Variants in ZDHHC20 observed in about 807,000 individuals in gnomAD.
ZDHHC20 encodes the protein palmitoyltransferase ZDHHC20.
Under a neutral mutation model 57.8 loss-of-function variants are expected in ZDHHC20, and 43 were observed. The ratio of observed to expected loss-of-function variants is 0.74; its 90% CI spans 0.58 to 0.96. The LOEUF is 0.96. ZDHHC20 is among the 40% of genes least tolerant of loss of function. The pLI is 0.00. For synonymous variants in ZDHHC20, 157 were observed against 153.0 expected (o/e 1.03, Z -0.19); for missense variants, 391 against 441.1 (o/e 0.89, Z 1.02).
Position 21,416,928 on chromosome 13 carries a change from A to C in ZDHHC20, c.250-3156T>G, listed in dbSNP as rs535829067. Among the ~76,000 whole-genome samples, 4 of 152,336 alleles carry C rather than the reference A, an allele frequency of 2.6e-5. No individual in the cohort carries two copies. The East Asian group carries it at 7.7e-4, about 29-fold the overall frequency. Reference sequence around the variant, plus strand: ...CGAACATGACCTTTATCTTACAGCTAACTGGCAAACTCTGTAGGATTATAG... The same window carrying C: ...CGAACATGACCTTTATCTTACAGCTCACTGGCAAACTCTGTAGGATTATAG... On this transcript the variant is annotated intron_variant, in intron 3 of 12. Coordinates refer to ENST00000400590, the MANE Select transcript of ZDHHC20 (RefSeq NM_001330059.2).
intron 2 of ZDHHC20, among the ~76,000 whole-genome samples, chr13:21,422,544 GAA>G (rs1880761801): frequency 6.6e-6 from 1 of 152,120 alleles, no homozygotes. Context: ...ATCCAGGCCT[GAA>G]ATGACTCCTT....
rs747307477 is a variant in ZDHHC20, at chr13:21,414,527, A to ATTTTTTTTTTTTTTTT, written c.250-771_250-756dup. 6.3e-3 allele frequency among the ~76,000 whole-genome samples: 674 copies of ATTTTTTTTTTTTTTTT among 107,338 alleles called. 49 individuals carry two copies. Among genetic ancestry groups the ATTTTTTTTTTTTTTTT allele is most frequent in the Non-Finnish European group, 0.011 (524 of 49,140 alleles). 70.4% of individuals were successfully genotyped at this position (107,338 alleles called of 152,430 possible). On this transcript the variant is annotated intron_variant, in intron 3 of 12. Transcript: ENST00000400590. ...AGGCGCACGCCACTATGCCCGGATA[A>ATTTTTTTTTTTTTTTT]TTTTTTTTTTTTTTTTTGTATTTTT... is the stretch of plus-strand genomic sequence containing the variant.
intron 3 of ZDHHC20, among the ~76,000 whole-genome samples, chr13:21,417,053 C>G (rs569334240): frequency 6.6e-6 from 1 of 152,130 alleles, no homozygotes; most frequent in African/African-American, 2.4e-5. Flanking sequence ...CTGTTATATA[C>G]GAGGTCTGAT....
chr13:21,400,598 G>T, intron 6 of ZDHHC20, 105 bp from the exon 7 acceptor site: 1 of 1,188,362 alleles, frequency 8.4e-7, no homozygotes, highest in Non-Finnish European at 1.2e-6. Context: ...GTGTGGGGAA[G>T]GGGAGCTTTT....
intron 1 of ZDHHC20, 95 bp from the exon 2 acceptor site, chr13:21,425,773 A>C (rs576368787): frequency 4.9e-6 from 4 of 809,286 alleles, no homozygotes; most frequent in South Asian, 6.0e-5. Flanking sequence ...TATCATTTTC[A>C]AAAAAATAAA....
chr13:21,396,162 G>A (rs753425343), intron 7 of ZDHHC20, among the ~76,000 whole-genome samples: 4 of 152,112 alleles, frequency 2.6e-5, no homozygotes, highest in Admixed American at 6.6e-5. Context: ...TTCCCACGTG[G>A]TGCTTCCTAT....
At chr13:21,425,195 A>G (rs971424741) in intron 2 of ZDHHC20, among the ~76,000 whole-genome samples, 2 of 152,194 alleles carry the variant, frequency 1.3e-5, no homozygotes, top group African/African-American at 4.8e-5. Context: ...GCAATTTACA[A>G]ATTTACAGTC....
chr13:21,436,994 T>A (rs536090138), intron 1 of ZDHHC20, among the ~76,000 whole-genome samples: 114 of 152,068 alleles, frequency 7.5e-4, no homozygotes, highest in African/African-American at 2.5e-3. Flanking sequence ...AAATTAATTT[T>A]AAAAAAAGTA....
intron 9 of ZDHHC20, 91 bp downstream of exon 9, chr13:21,387,417 A>G (rs1566066646): frequency 1.1e-6 from 1 of 947,808 alleles, no homozygotes. Context: ...ATATCATTAT[A>G]TATTATATTC....
chr13:21,399,555 A>C (rs1877314703), intron 7 of ZDHHC20, among the ~76,000 whole-genome samples: 1 of 152,052 alleles, frequency 6.6e-6, no homozygotes, highest in African/African-American at 2.4e-5. Context: ...TACTAAAAAA[A>C]ATTTTAAAGC....
chr13:21,447,551 C>T (rs910122678), intron 1 of ZDHHC20, among the ~76,000 whole-genome samples: 5 of 147,104 alleles, frequency 3.4e-5, no homozygotes, highest in South Asian at 4.5e-4. Context: ...CCCGAGGTGC[C>T]GGGATTGCAG....
At position 21,459,297 on chromosome 13, in the gene ZDHHC20, T is replaced by C. The variant is rs1179478203; in HGVS notation, c.-126A>G. On this transcript the variant is annotated 5_prime_UTR_variant, in exon 1 of 13. Coordinates refer to ENST00000400590, the MANE Select transcript of ZDHHC20 (RefSeq NM_001330059.2). ...TCCCCCGCCTCCGAGGCAGGACTTGTGGGAGCAAAAGTCCGAGGCGCCGCC... is the reference window on the plus strand; with the variant it reads ...TCCCCCGCCTCCGAGGCAGGACTTGCGGGAGCAAAAGTCCGAGGCGCCGCC... 12 of 660,630 alleles carry C rather than the reference T, an allele frequency of 1.8e-5. No individual in the cohort carries two copies. The highest frequency in any genetic ancestry group is 3.8e-5 in the Admixed American group (1 of 26,084). The allele number at this position is 660,630 out of a possible 1,614,324, so 40.9% of individuals were successfully genotyped here. A position where few individuals can be genotyped will look rare whatever the true frequency, so the allele number is the denominator to read the frequency against.
intron 12 of ZDHHC20, among the ~76,000 whole-genome samples, chr13:21,378,115 T>C (rs774292612): frequency 1.3e-5 from 2 of 152,170 alleles, no homozygotes; most frequent in Non-Finnish European, 2.9e-5. Flanking sequence ...CCATCTTGGC[T>C]CATTGCAGCC....
intron 1 of ZDHHC20, among the ~76,000 whole-genome samples, chr13:21,450,538 AG>A (rs1230820253): frequency 6.6e-6 from 1 of 152,200 alleles, no homozygotes; most frequent in African/African-American, 2.4e-5. Context: ...CTGGTAACAC[AG>A]AAAATAATAC....
chr13:21,402,398 T>C (rs1280316152), intron 5 of ZDHHC20, among the ~76,000 whole-genome samples: 9 of 152,072 alleles, frequency 5.9e-5, no homozygotes, highest in African/African-American at 2.2e-4. Context: ...CCACAGATCA[T>C]CTAAAAAAAA....
At chr13:21,458,658 G>GT (rs973432692) in intron 1 of ZDHHC20, among the ~76,000 whole-genome samples, 7 of 152,172 alleles carry the variant, frequency 4.6e-5, no homozygotes, top group East Asian at 1.9e-4. Context: ...AACAGATTTG[G>GT]TTTTTTAAAA....
chr13:21,420,606 T>C (rs1880538360), intron 3 of ZDHHC20, among the ~76,000 whole-genome samples: 1 of 152,210 alleles, frequency 6.6e-6, no homozygotes, highest in African/African-American at 2.4e-5. Flanking sequence ...AAATGGAACC[T>C]CCAATTAGAA....
At chr13:21,424,710 C>CAA (rs10709528) in intron 2 of ZDHHC20, among the ~76,000 whole-genome samples, 259 of 125,066 alleles carry the variant, frequency 2.1e-3, no homozygotes, top group South Asian at 3.7e-3. Flanking sequence ...GACTCTGTCT[C>CAA]AAAAAAAAAA....
At chr13:21,445,476 T>C (rs1883597206) in intron 1 of ZDHHC20, among the ~76,000 whole-genome samples, 1 of 152,212 alleles carries the variant, frequency 6.6e-6, no homozygotes. Context: ...CAATAAACAA[T>C]AATAACAATA....
Sources: gnomAD v4.1 joint callset for allele counts (sites outside exome capture counted in the v4.1 genomes callset) on GRCh38, gnomAD v4.1.1 for gene constraint, MANE v1.5 for transcripts, NCBI Gene and HGNC (gene_info 2026-07-23, HGNC 2026-07-21) for gene names.